Variants in B3GALT1 observed in about 807,000 individuals in gnomAD.
B3GALT1 encodes the protein beta-1,3-galactosyltransferase 1, also known as UDP-Gal:betaGlcNAc beta 1,3-galactosyltransferase, polypeptide 1.
Under a neutral mutation model 23.2 loss-of-function variants are expected in B3GALT1, and 10 were observed. The ratio of observed to expected loss-of-function variants is 0.43; its 90% CI spans 0.27 to 0.73. The LOEUF (loss-of-function observed/expected upper bound fraction) is 0.73, where lower values mean the gene tolerates loss of function less well. Among genes scored for constraint, B3GALT1 ranks in the 30% least tolerant of loss-of-function variants. B3GALT1 has a pLI of 0.21. For missense variants in B3GALT1, 299 were observed against 405.4 expected (o/e 0.74, Z 2.25); for synonymous variants, 156 against 141.5 (o/e 1.10, Z -0.73).
intron 1 of B3GALT1, among the ~76,000 whole-genome samples, chr2:167,488,094 A>G (rs1699653547): frequency 1.3e-5 from 2 of 152,210 alleles, no homozygotes; most frequent in Admixed American, 6.5e-5. Flanking sequence ...AAGTATTTTA[A>G]TGTTTTGATT....
chr2:167,759,909 C>T (rs141101308), intron 3 of B3GALT1, among the ~76,000 whole-genome samples: 3 of 152,148 alleles, frequency 2.0e-5, no homozygotes, highest in Non-Finnish European at 2.9e-5. Flanking sequence ...TTTGGGGTGT[C>T]GTTATAGCTG....
At chr2:167,817,448 T>C (rs1253491664) in intron 3 of B3GALT1, among the ~76,000 whole-genome samples, 1 of 152,192 alleles carries the variant, frequency 6.6e-6, no homozygotes, top group Non-Finnish European at 1.5e-5. Context: ...TCAGGTACCG[T>C]CATCATGATT....
intron 1 of B3GALT1, among the ~76,000 whole-genome samples, chr2:167,402,497 G>A (rs1698208711): frequency 6.6e-6 from 1 of 152,072 alleles, no homozygotes; most frequent in African/African-American, 2.4e-5. Flanking sequence ...TGAGAAATTG[G>A]TTGCAAGTTA....
At chr2:167,506,771 AGTTGG>A (rs1699924103) in intron 2 of B3GALT1, among the ~76,000 whole-genome samples, 1 of 107,620 alleles carries the variant, frequency 9.3e-6, no homozygotes, top group Non-Finnish European at 1.7e-5. Context: ...TTCAAGTATG[AGTTGG>A]ATTTGGATTT....
chr2:167,580,140 C>A (rs971412458), intron 2 of B3GALT1, among the ~76,000 whole-genome samples: 1 of 152,058 alleles, frequency 6.6e-6, no homozygotes, highest in African/African-American at 2.4e-5. Flanking sequence ...CTGTGGTAAG[C>A]CACAAATGGG....
At chr2:167,313,778 T>A (rs1456475448) in intron 1 of B3GALT1, among the ~76,000 whole-genome samples, 1 of 152,190 alleles carries the variant, frequency 6.6e-6, no homozygotes, top group South Asian at 2.1e-4. Context: ...AAGCTAGTTT[T>A]CCAACAGAAA....
At chr2:167,847,642 A>G (rs1239561520) in intron 4 of B3GALT1, among the ~76,000 whole-genome samples, 1 of 152,286 alleles carries the variant, frequency 6.6e-6, no homozygotes, top group East Asian at 1.9e-4. Flanking sequence ...AAAGACTGAA[A>G]GAGCACAAAC....
chr2:167,569,948 G>A (rs948466412), intron 2 of B3GALT1, among the ~76,000 whole-genome samples: 1 of 151,770 alleles, frequency 6.6e-6, no homozygotes, highest in Non-Finnish European at 1.5e-5. Context: ...TTCTCTTTTA[G>A]CCTCTGTATG....
At chr2:167,786,068 T>G (rs749148081) in intron 3 of B3GALT1, among the ~76,000 whole-genome samples, 1 of 152,222 alleles carries the variant, frequency 6.6e-6, no homozygotes, top group Admixed American at 6.5e-5. Context: ...CTATAGCTAT[T>G]AAATCAACAC....
At chr2:167,645,417 C>T (rs1685731235) in intron 2 of B3GALT1, among the ~76,000 whole-genome samples, 1 of 152,108 alleles carries the variant, frequency 6.6e-6, no homozygotes, top group Non-Finnish European at 1.5e-5. Flanking sequence ...ATTATGAACA[C>T]AGAAAGGTAA....
chr2:167,401,608 A>G (rs1420794564), intron 1 of B3GALT1, among the ~76,000 whole-genome samples: 3 of 152,150 alleles, frequency 2.0e-5, no homozygotes, highest in Non-Finnish European at 4.4e-5. Flanking sequence ...CAGGAGATCC[A>G]TATCAAGTTC....
chr2:167,869,182 T>A lies in B3GALT1; in HGVS notation c.143T>A (p.Phe48Tyr). The A allele has an allele frequency of 6.2e-7, 1 of 1,614,182 alleles. No homozygotes were observed. Among genetic ancestry groups the A allele is most frequent in the Non-Finnish European group, 8.5e-7 (1 of 1,180,040 alleles). ...FSHLTVARKN[F>Y]TFGNIRTRPI... is the part of the protein sequence containing the mutation. Reference sequence around the variant, plus strand: ...CACCTAACAGTTGCCAGGAAAAACTTCACCTTTGGCAACATAAGAACTCGA... The same window carrying A: ...CACCTAACAGTTGCCAGGAAAAACTACACCTTTGGCAACATAAGAACTCGA... The change falls in exon 5 of 5, where the codon TTC becomes TAC. Residue 48 changes from phenylalanine to tyrosine, a missense_variant. Phe to Tyr is a conservative substitution (Grantham distance 22). Around this residue, in one of 3 missense-constraint regions of B3GALT1, gnomAD observed 162 missense variants for 184.1 expected, o/e 0.88. Transcript: ENST00000392690. This position sits in a 1 kb window ranked among gnomAD's most constrained non-coding sequence, Gnocchi z 6.4.
At chr2:167,776,493 C>T (rs565728154) in intron 3 of B3GALT1, among the ~76,000 whole-genome samples, 10 of 152,298 alleles carry the variant, frequency 6.6e-5, no homozygotes, top group African/African-American at 2.4e-4. Flanking sequence ...AAGCAGAGAA[C>T]ACGAGTGACT....
At chr2:167,315,105 T>G (rs1309235908) in intron 1 of B3GALT1, among the ~76,000 whole-genome samples, 3 of 152,114 alleles carry the variant, frequency 2.0e-5, no homozygotes, top group Non-Finnish European at 4.4e-5. Flanking sequence ...ACAACCTAAT[T>G]GAAATATTAG....
At chr2:167,347,139 T>C (rs1697233332) in intron 1 of B3GALT1, among the ~76,000 whole-genome samples, 1 of 152,204 alleles carries the variant, frequency 6.6e-6, no homozygotes, top group Non-Finnish European at 1.5e-5. Context: ...TCTAATCTTA[T>C]GGATTCTAAT....
intron 1 of B3GALT1, among the ~76,000 whole-genome samples, chr2:167,393,911 AT>A (rs1456541771): frequency 2.6e-5 from 4 of 152,236 alleles, no homozygotes; most frequent in Admixed American, 2.0e-4. Context: ...TTATATTTAA[AT>A]ATAACAATTT....
At chr2:167,788,274 G>T in intron 3 of B3GALT1, among the ~76,000 whole-genome samples, 1 of 150,606 alleles carries the variant, frequency 6.6e-6, no homozygotes, top group Non-Finnish European at 1.5e-5. Context: ...CCGGAAGTGG[G>T]TGGGGGCGGG....
intron 1 of B3GALT1, among the ~76,000 whole-genome samples, chr2:167,484,318 AAAGT>A (rs1465472816): frequency 1.3e-5 from 2 of 152,202 alleles, no homozygotes; most frequent in African/African-American, 4.8e-5. Context: ...CAAACTCTAT[AAAGT>A]ATTTAAAAAG....
intron 3 of B3GALT1, among the ~76,000 whole-genome samples, chr2:167,678,164 G>T (rs1411266526): frequency 1.3e-5 from 2 of 152,132 alleles, no homozygotes; most frequent in East Asian, 3.9e-4. Flanking sequence ...CATATCCCTA[G>T]ATAATTAGCC....
Sources: gnomAD v4.1 joint callset for allele counts (sites outside exome capture counted in the v4.1 genomes callset) on GRCh38, gnomAD v4.1.1 for gene constraint, gnomAD v4.1.1 regional missense constraint, Gnocchi (gnomAD v3.1) non-coding constraint, MANE v1.5 for transcripts, NCBI Gene and HGNC (gene_info 2026-07-23, HGNC 2026-07-21) for gene names.